The following MAP3K20 variants were observed in gnomAD, a reference collection of about 807,000 sequenced individuals.
The protein encoded by MAP3K20 is mitogen-activated protein kinase kinase kinase 20.
A neutral mutation model predicts 85.7 loss-of-function variants in MAP3K20; 40 were observed. The observed-to-expected ratio is 0.47, with a 90% CI of 0.36 to 0.61. The LOEUF is 0.61. Ranked by LOEUF, MAP3K20 falls within the 20% of genes least tolerant of loss-of-function variation. MAP3K20 has a pLI of 0.00. For missense variants in MAP3K20, 817 were observed against 961.7 expected (o/e 0.85, Z 1.99); for synonymous variants, 325 against 327.7 (o/e 0.99, Z 0.09).
chr2:173,244,656 AAC>A (rs1443746957), intron 16 of MAP3K20, among the ~76,000 whole-genome samples: 1 of 152,180 alleles, frequency 6.6e-6, no homozygotes, highest in East Asian at 1.9e-4. Flanking sequence ...ACCTATATAA[AAC>A]AGTCCTAGAA....
At chr2:173,134,084 A>G (rs1287056904) in intron 2 of MAP3K20, among the ~76,000 whole-genome samples, 1 of 151,180 alleles carries the variant, frequency 6.6e-6, no homozygotes, top group Non-Finnish European at 1.5e-5. Context: ...CTAACCAGAG[A>G]TTCTCAGTAT....
intron 3 of MAP3K20, among the ~76,000 whole-genome samples, chr2:173,180,752 A>G (rs927138172): frequency 1.3e-5 from 2 of 152,188 alleles, no homozygotes; most frequent in Non-Finnish European, 1.5e-5. Context: ...TGAACTCAAA[A>G]TGGATCATAA....
At chr2:173,170,812 A>C (rs1468390661) in intron 3 of MAP3K20, among the ~76,000 whole-genome samples, 1 of 152,212 alleles carries the variant, frequency 6.6e-6, no homozygotes, top group African/African-American at 2.4e-5. Context: ...AACTTAAGCA[A>C]CTTTTCCATG....
chr2:173,183,079 GT>G (rs1162017326), intron 4 of MAP3K20, 124 bp downstream of exon 4: 1 of 714,708 alleles, frequency 1.4e-6, no homozygotes, highest in African/African-American at 1.9e-5. Context: ...ACCAAAAGTA[GT>G]AAGAATTCCA....
At chr2:173,143,190 T>C (rs1339293795) in intron 2 of MAP3K20, among the ~76,000 whole-genome samples, 4 of 152,194 alleles carry the variant, frequency 2.6e-5, no homozygotes, top group Non-Finnish European at 5.9e-5. Flanking sequence ...GTAGTGGCTC[T>C]ATTAATATCA....
intron 10 of MAP3K20, among the ~76,000 whole-genome samples, chr2:173,213,913 ACATT>A (rs1443662437): frequency 3.3e-5 from 5 of 152,202 alleles, no homozygotes; most frequent in Non-Finnish European, 7.3e-5. Context: ...AAAAGACAAC[ACATT>A]CAGACTACTC....
At chr2:173,105,242 G>A (rs1687750690) in intron 2 of MAP3K20, among the ~76,000 whole-genome samples, 1 of 152,188 alleles carries the variant, frequency 6.6e-6, no homozygotes, top group Admixed American at 6.5e-5. Context: ...GCTTGTGTCT[G>A]GGGCTAGGAA....
intron 5 of MAP3K20, among the ~76,000 whole-genome samples, chr2:173,190,245 A>G (rs1690609265): frequency 6.6e-6 from 1 of 152,112 alleles, no homozygotes; most frequent in Non-Finnish European, 1.5e-5. Context: ...ACCGCCCTCG[A>G]CACAGATATC....
chr2:173,178,851 G>T (rs549366079), intron 3 of MAP3K20, among the ~76,000 whole-genome samples: 2 of 152,084 alleles, frequency 1.3e-5, no homozygotes, highest in African/African-American at 2.4e-5. Context: ...ATAAGAAAGC[G>T]ACAGACCAAT....
intron 10 of MAP3K20, among the ~76,000 whole-genome samples, chr2:173,213,805 T>G (rs908281314): frequency 6.6e-6 from 1 of 152,348 alleles, no homozygotes; most frequent in East Asian, 1.9e-4. Flanking sequence ...AAGAGAAATA[T>G]TACAGGGCAT....
In MAP3K20 at chr2:173,190,875, A is replaced by G; in HGVS notation, c.416-20A>G. 1 of 1,574,390 alleles carries G rather than the reference A, an allele frequency of 6.4e-7. No individual in the cohort carries two copies. The highest frequency in any genetic ancestry group is 8.7e-7 in the Non-Finnish European group (1 of 1,152,202). On this transcript the variant is annotated intron_variant, in intron 5 of 19. Transcript: ENST00000375213. Reference sequence around the variant, plus strand: ...ACAAATTAGATGATTGTCATAATTTATCCTTTTTTCTTTTTTTAGTTGTTA... The same window carrying G: ...ACAAATTAGATGATTGTCATAATTTGTCCTTTTTTCTTTTTTTAGTTGTTA...
chr2:173,152,429 T>C (rs1184134402), intron 2 of MAP3K20, among the ~76,000 whole-genome samples: 1 of 152,208 alleles, frequency 6.6e-6, no homozygotes, highest in African/African-American at 2.4e-5. Flanking sequence ...GCCTGTTGTC[T>C]CTGATCTCCC....
chr2:173,172,935 C>A (rs1355275233), intron 3 of MAP3K20, among the ~76,000 whole-genome samples: 1 of 151,874 alleles, frequency 6.6e-6, no homozygotes, highest in Admixed American at 6.6e-5. Flanking sequence ...ATAGCTGGGA[C>A]TACAGGCGTG....
chr2:173,225,150 A>C (rs1189193449), intron 11 of MAP3K20: 1 of 984,900 alleles, frequency 1.0e-6, no homozygotes, highest in Non-Finnish European at 1.2e-6. Context: ...GTCATTCTCA[A>C]CTGGGGCGGT....
chr2:173,221,826 CT>C, intron 11 of MAP3K20: 1 of 1,052,884 alleles, frequency 9.5e-7, no homozygotes, highest in Non-Finnish European at 1.1e-6. Flanking sequence ...GACATTCTGG[CT>C]TTTTCTTTTA....
intron 2 of MAP3K20, among the ~76,000 whole-genome samples, chr2:173,100,131 G>C (rs925160015): frequency 6.6e-6 from 1 of 152,188 alleles, no homozygotes; most frequent in African/African-American, 2.4e-5. Flanking sequence ...GAATACAGTG[G>C]GCAAGCACAT....
intron 3 of MAP3K20, among the ~76,000 whole-genome samples, chr2:173,179,750 A>G (rs1016620460): frequency 2.0e-5 from 3 of 151,158 alleles, no homozygotes; most frequent in African/African-American, 7.3e-5. Context: ...AAAAGCTACT[A>G]AAACTAACAA....
intron 1 of MAP3K20, among the ~76,000 whole-genome samples, chr2:173,084,583 CAA>C (rs1468144707): frequency 6.6e-6 from 1 of 151,814 alleles, no homozygotes; most frequent in Non-Finnish European, 1.5e-5. Context: ...AGAAAATAGG[CAA>C]AGAGAGGGAA....
At chr2:173,108,910 G>A (rs1384948740) in intron 2 of MAP3K20, among the ~76,000 whole-genome samples, 1 of 152,162 alleles carries the variant, frequency 6.6e-6, no homozygotes, top group African/African-American at 2.4e-5. Context: ...TTACTTGTGG[G>A]ACAGAGACAG....
Sources: gnomAD v4.1 joint callset for allele counts (sites outside exome capture counted in the v4.1 genomes callset) on GRCh38, gnomAD v4.1.1 for gene constraint, MANE v1.5 for transcripts, NCBI Gene and HGNC (gene_info 2026-07-23, HGNC 2026-07-21) for gene names.